PRKN: variants seen among roughly 807,000 people sequenced by gnomAD.
The protein encoded by PRKN is E3 ubiquitin-protein ligase parkin.
A neutral mutation model predicts 59.5 loss-of-function variants in PRKN; 56 were observed. That is an observed-to-expected ratio of 0.94 (90% CI 0.76 to 1.18). The LOEUF is 1.18. Ranked by LOEUF, PRKN falls within the 50% of genes most tolerant of loss-of-function variation. PRKN has a pLI of 0.00. For synonymous variants in PRKN, 250 were observed against 222.1 expected (o/e 1.13, Z -1.12); for missense variants, 657 against 596.4 (o/e 1.10, Z -1.06).
chr6:161,930,662 C>T (rs1417219817), intron 6 of PRKN, among the ~76,000 whole-genome samples: 4 of 152,106 alleles, frequency 2.6e-5, no homozygotes, highest in Non-Finnish European at 4.4e-5. Context: ...ATTCAAAAAC[C>T]CTGCAAATAG....
chr6:161,373,855 T>C lies in PRKN; in HGVS notation c.1167+12939A>G, dbSNP rs1024302595. Among the ~76,000 whole-genome samples the C allele has an allele frequency of 1.1e-4, 16 of 152,158 alleles. No homozygotes were observed. The highest frequency in any genetic ancestry group is 3.6e-4 in the African/African-American group (15 of 41,434). ...GGGCCAGGATCCAGCTGTTAGCTTT[T>C]CAAATCTGCACACCTCTCAGAAATG... On this transcript the variant is annotated intron_variant, in intron 10 of 11. Transcript: ENST00000366898. This position sits in a 1 kb window ranked among gnomAD's most constrained non-coding sequence, Gnocchi z 4.8.
chr6:161,922,391 A>T (rs1404328656), intron 6 of PRKN, among the ~76,000 whole-genome samples: 2 of 152,162 alleles, frequency 1.3e-5, no homozygotes, highest in Admixed American at 6.5e-5. Flanking sequence ...TGCAAAATGG[A>T]TGTCTATCAT....
chr6:161,926,663 G>A (rs1305717905), intron 6 of PRKN, among the ~76,000 whole-genome samples: 1 of 152,134 alleles, frequency 6.6e-6, no homozygotes, highest in Non-Finnish European at 1.5e-5. Context: ...TGCAAATTGA[G>A]GAATATATAA....
chr6:161,573,128 G>A (rs192537062), intron 7 of PRKN, among the ~76,000 whole-genome samples: 30 of 152,288 alleles, frequency 2.0e-4, no homozygotes, highest in Non-Finnish European at 3.1e-4. Flanking sequence ...AGAGTCACAG[G>A]AGAAGTTGTG....
intron 7 of PRKN, among the ~76,000 whole-genome samples, chr6:161,624,714 T>C (rs924171991): frequency 1.3e-5 from 2 of 152,244 alleles, no homozygotes; most frequent in African/African-American, 4.8e-5. Flanking sequence ...CACAGGAAAC[T>C]CAAGGTTGCA....
intron 2 of PRKN, among the ~76,000 whole-genome samples, chr6:162,429,737 C>G (rs936975605): frequency 6.6e-6 from 1 of 152,114 alleles, no homozygotes; most frequent in Admixed American, 6.5e-5. Flanking sequence ...AAAGTGGGGA[C>G]GCACCGGTCC....
chr6:161,749,210 A>G (rs972019186), intron 7 of PRKN, among the ~76,000 whole-genome samples: 3 of 152,210 alleles, frequency 2.0e-5, no homozygotes, highest in Non-Finnish European at 4.4e-5. Flanking sequence ...AGCTTCGCCT[A>G]TTTCTCTGAC....
intron 1 of PRKN, among the ~76,000 whole-genome samples, chr6:162,637,760 A>T (rs1206087789): frequency 2.0e-5 from 3 of 152,218 alleles, no homozygotes. Context: ...GATGAATGAG[A>T]AACTTGCTTT....
chr6:162,645,139 A>C (rs1044356963), intron 1 of PRKN, among the ~76,000 whole-genome samples: 1 of 152,114 alleles, frequency 6.6e-6, no homozygotes, highest in Non-Finnish European at 1.5e-5. Context: ...AAATGGCTTT[A>C]TTTACAATTT....
intron 2 of PRKN, among the ~76,000 whole-genome samples, chr6:162,382,784 A>G (rs1369963076): frequency 1.3e-5 from 2 of 152,198 alleles, no homozygotes; most frequent in East Asian, 3.9e-4. Context: ...AGTAGAATGT[A>G]TTTTCAAATT....
Position 162,288,419 on chromosome 6 carries a change from G to A in PRKN, c.172-25654C>T, listed in dbSNP as rs530170845. Among the ~76,000 whole-genome samples, 15 of 152,170 alleles carry A rather than the reference G, an allele frequency of 9.9e-5. No individual in the cohort carries two copies. In the South Asian group the frequency reaches 2.5e-3, roughly 25 times the overall value. ...AGGAGAGGGGGGTTTTCAGATATAC[G>A]TCAAGTCTGTAATCGGCTGGCTTGT... On this transcript the variant is annotated intron_variant, in intron 2 of 11. Transcript: ENST00000366898.
At chr6:162,518,066 T>C (rs1015177777) in intron 1 of PRKN, among the ~76,000 whole-genome samples, 6 of 152,166 alleles carry the variant, frequency 3.9e-5, no homozygotes, top group African/African-American at 1.4e-4. Flanking sequence ...CTTGTTTTCA[T>C]AGGTCAAGAG....
At chr6:161,900,853 TATATA>T (rs1250752191) in intron 6 of PRKN, among the ~76,000 whole-genome samples, 1 of 141,970 alleles carries the variant, frequency 7.0e-6, no homozygotes, top group African/African-American at 2.6e-5. Flanking sequence ...TATAATTACA[TATATA>T]ATATATAATA....
chr6:161,805,452 G>GCGCACACACACA (rs758308585), intron 6 of PRKN, among the ~76,000 whole-genome samples: 1 of 39,022 alleles, frequency 2.6e-5, no homozygotes, highest in Non-Finnish European at 1.0e-4. Context: ...GTACACACAT[G>GCGCACACACACA]CACACACACA....
intron 3 of PRKN, among the ~76,000 whole-genome samples, chr6:162,215,106 TC>T (rs1409947203): frequency 1.3e-5 from 2 of 152,020 alleles, no homozygotes; most frequent in Non-Finnish European, 2.9e-5. Flanking sequence ...GTAAATCCCC[TC>T]CCCCTAAATG....
chr6:162,344,293 A>T (rs542070635), intron 2 of PRKN, among the ~76,000 whole-genome samples: 2 of 152,020 alleles, frequency 1.3e-5, no homozygotes, highest in East Asian at 3.9e-4. Context: ...CAAATCGTCT[A>T]CAGAGACTCT....
intron 1 of PRKN, among the ~76,000 whole-genome samples, chr6:162,722,681 CTCTT>C (rs1180995872): frequency 1.3e-5 from 2 of 152,162 alleles, no homozygotes; most frequent in African/African-American, 4.8e-5. Context: ...GAAGTAAGAA[CTCTT>C]TTTTTTGCAT....
intron 6 of PRKN, among the ~76,000 whole-genome samples, chr6:161,853,457 T>A (rs574709776): frequency 8.5e-5 from 13 of 152,346 alleles, no homozygotes; most frequent in Non-Finnish European, 1.5e-4. Context: ...CATATTTGGA[T>A]ATAATTGCTT....
At chr6:162,195,127 GATGCAAAACAGA>G (rs1346917392) in intron 4 of PRKN, among the ~76,000 whole-genome samples, 4 of 152,196 alleles carry the variant, frequency 2.6e-5, no homozygotes, top group Non-Finnish European at 5.9e-5. Context: ...ACTGTAACGC[GATGCAAAACAGA>G]ATGCATGGTG....
Sources: allele counts gnomAD v4.1 joint callset (sites outside exome capture counted in the v4.1 genomes callset), GRCh38; gene constraint gnomAD v4.1.1; non-coding constraint Gnocchi (gnomAD v3.1); transcripts MANE v1.5; gene names NCBI Gene and HGNC (gene_info 2026-07-23, HGNC 2026-07-21).